Variants in SLC35F2 observed in about 807,000 individuals in gnomAD.
The protein encoded by SLC35F2 is solute carrier family 35 member F2, also known as queuine/queuosine transporter SLC35F2.
SLC35F2 carries 25 observed loss-of-function variants against 38.1 expected under a neutral mutation model. That is an observed-to-expected ratio of 0.66 (90% CI 0.48 to 0.92). The LOEUF (loss-of-function observed/expected upper bound fraction) is 0.92, where lower values mean the gene tolerates loss of function less well. Ranked by LOEUF, SLC35F2 falls within the 40% of genes least tolerant of loss-of-function variation. SLC35F2 has a pLI of 0.00. For missense variants in SLC35F2, 409 were observed against 452.9 expected, an observed-to-expected ratio of 0.90 and a Z score of 0.88; for synonymous variants, 173 against 181.7, an observed-to-expected ratio of 0.95 and a Z score of 0.38.
intron 1 of SLC35F2, among the ~76,000 whole-genome samples, chr11:107,848,061 CAG>C (rs1322180968): frequency 6.6e-6 from 1 of 151,956 alleles, no homozygotes; most frequent in African/African-American, 2.4e-5. Flanking sequence ...AGGGGGAGTG[CAG>C]AGTTATTATT....
intron 1 of SLC35F2, chr11:107,821,387 C>A: frequency 1.0e-6 from 1 of 983,598 alleles, no homozygotes; most frequent in Non-Finnish European, 1.2e-6. Flanking sequence ...CAGGAATGCA[C>A]TTCTCTTGGC....
chr11:107,833,518 C>CAAAAAAAAAAAAAAGAAAA (rs1859883590), intron 1 of SLC35F2, among the ~76,000 whole-genome samples: 1 of 89,566 alleles, frequency 1.1e-5, no homozygotes, highest in African/African-American at 4.9e-5. Context: ...GACTCTGTCT[C>CAAAAAAAAAAAAAAGAAAA]AAAAAAAAAA....
At position 107,811,902 on chromosome 11, in the gene SLC35F2, TTTC is replaced by T. The variant is rs1035497869; in HGVS notation, c.287-111_287-109del. 1.7e-4 allele frequency: 184 copies of T among 1,069,274 alleles called. 1 individual carries two copies. The highest frequency in any genetic ancestry group is 3.8e-4 in the Admixed American group (16 of 42,048). The allele number at this position is 1,069,274 out of a possible 1,614,324, so 66.2% of individuals were successfully genotyped here. ...AAGAGTTTCTTGTTTTTTTTTCTTTTTTCTTCTTCTTCTTTTTGAGATAGGGTC... is the reference window on the plus strand; with the variant it reads ...AAGAGTTTCTTGTTTTTTTTTCTTTTTTCTTCTTCTTTTTGAGATAGGGTC... On this transcript the variant is annotated intron_variant, in intron 2 of 7. Coordinates refer to ENST00000525815, the MANE Select transcript of SLC35F2 (RefSeq NM_017515.5).
At chr11:107,831,651 GTT>G (rs1859844291) in intron 1 of SLC35F2, among the ~76,000 whole-genome samples, 1 of 152,220 alleles carries the variant, frequency 6.6e-6, no homozygotes, top group African/African-American at 2.4e-5. Flanking sequence ...TCCCAGGTAG[GTT>G]TTTCTTTTGA....
chr11:107,816,968 G>C (rs1187389535), intron 1 of SLC35F2, among the ~76,000 whole-genome samples: 1 of 152,126 alleles, frequency 6.6e-6, no homozygotes, highest in Non-Finnish European at 1.5e-5. Flanking sequence ...AATACTGTGG[G>C]AAACAGCAAT....
At chr11:107,828,542 G>C (rs1410848666) in intron 1 of SLC35F2, among the ~76,000 whole-genome samples, 1 of 151,858 alleles carries the variant, frequency 6.6e-6, no homozygotes, top group Non-Finnish European at 1.5e-5. Flanking sequence ...GTGAATAAAA[G>C]AAATGAATTA....
intron 1 of SLC35F2, among the ~76,000 whole-genome samples, chr11:107,825,084 T>C (rs781286156): frequency 4.6e-5 from 7 of 152,244 alleles, no homozygotes; most frequent in Non-Finnish European, 8.8e-5. Flanking sequence ...TGCAATACTG[T>C]AGATGTTACC....
intron 1 of SLC35F2, among the ~76,000 whole-genome samples, chr11:107,818,934 A>C (rs748825006): frequency 6.6e-6 from 1 of 152,156 alleles, no homozygotes; most frequent in Non-Finnish European, 1.5e-5. Context: ...TGAGCCCAAG[A>C]GTTCAAAACC....
intron 1 of SLC35F2, among the ~76,000 whole-genome samples, chr11:107,837,015 C>T (rs1859940766): frequency 6.6e-6 from 1 of 152,150 alleles, no homozygotes; most frequent in African/African-American, 2.4e-5. Context: ...GAAACACTTT[C>T]ATCGTTTGCC....
intron 3 of SLC35F2, among the ~76,000 whole-genome samples, chr11:107,808,542 T>C (rs535529740): frequency 3.9e-5 from 6 of 152,214 alleles, no homozygotes; most frequent in Non-Finnish European, 7.3e-5. Flanking sequence ...TTTCAAACCT[T>C]GTCCCTGATT....
intron 1 of SLC35F2, among the ~76,000 whole-genome samples, chr11:107,830,671 GAAACC>G (rs1859825681): frequency 6.6e-6 from 1 of 150,662 alleles, no homozygotes; most frequent in East Asian, 1.9e-4. Flanking sequence ...TAAGCCAACA[GAAACC>G]CTACATGTAC....
Position 107,811,767 on chromosome 11 carries a change from T to C in SLC35F2, c.314A>G (p.Lys105Arg), listed in dbSNP as rs1341603650. 1 of 1,614,018 alleles carries C rather than the reference T, an allele frequency of 6.2e-7. No individual in the cohort carries two copies. Among genetic ancestry groups the C allele is most frequent in the Non-Finnish European group, 8.5e-7 (1 of 1,179,908 alleles). ...SGSDNLLVIL[K>R]RKWWKYILLG... The stretch of plus-strand genomic sequence containing the variant: ...CAGGATGTACTTCCACCATTTTCTT[T>C]TCAAGATTACTAAAAGGTTATCACT... Residue 105 changes from lysine to arginine, a missense_variant, in exon 3 of 8, where the codon AAA becomes AGA. By Grantham distance (26) the Lys-to-Arg change is conservative. Coordinates refer to ENST00000525815, the MANE Select transcript of SLC35F2 (RefSeq NM_017515.5).
At chr11:107,799,789 C>T (rs1591184446) in intron 7 of SLC35F2, among the ~76,000 whole-genome samples, 1 of 152,050 alleles carries the variant, frequency 6.6e-6, no homozygotes, top group Non-Finnish European at 1.5e-5. Flanking sequence ...AGGATGGTCT[C>T]GATCTCTTGA....
At chr11:107,793,699 C>T (rs1859169810) in intron 7 of SLC35F2, among the ~76,000 whole-genome samples, 1 of 152,140 alleles carries the variant, frequency 6.6e-6, no homozygotes, top group African/African-American at 2.4e-5. Context: ...GCCTAAGATA[C>T]TAGAAGAGTC....
At chr11:107,841,682 T>G (rs1171207827) in intron 1 of SLC35F2, among the ~76,000 whole-genome samples, 1 of 151,982 alleles carries the variant, frequency 6.6e-6, no homozygotes, top group Non-Finnish European at 1.5e-5. Flanking sequence ...TCAAAAATTT[T>G]AAAGCCTGGC....
chr11:107,857,582 A>G (rs1860313391), intron 1 of SLC35F2, among the ~76,000 whole-genome samples: 1 of 152,192 alleles, frequency 6.6e-6, no homozygotes, highest in African/African-American at 2.4e-5. Flanking sequence ...ATCAATTTCA[A>G]ACTATTTATA....
intron 7 of SLC35F2, among the ~76,000 whole-genome samples, chr11:107,799,070 T>G (rs1417316455): frequency 2.6e-5 from 4 of 152,208 alleles, no homozygotes; most frequent in Non-Finnish European, 5.9e-5. Context: ...AGCGAGACTC[T>G]GTCGCAAACA....
intron 1 of SLC35F2, among the ~76,000 whole-genome samples, chr11:107,830,438 G>A (rs1160038885): frequency 6.6e-6 from 1 of 151,856 alleles, no homozygotes; most frequent in East Asian, 1.9e-4. Context: ...ACAAAAATTA[G>A]CTGGGCATGG....
intron 1 of SLC35F2, among the ~76,000 whole-genome samples, chr11:107,829,263 A>G (rs548163469): frequency 8.5e-5 from 13 of 152,212 alleles, no homozygotes; most frequent in African/African-American, 2.6e-4. Context: ...TACTAAAAGT[A>G]CAAAAATTAG....
Sources: gnomAD v4.1 joint callset for allele counts (sites outside exome capture counted in the v4.1 genomes callset) on GRCh38, gnomAD v4.1.1 for gene constraint, MANE v1.5 for transcripts, NCBI Gene and HGNC (gene_info 2026-07-23, HGNC 2026-07-21) for gene names.